The following ADTRP variants were observed in gnomAD, a reference collection of about 807,000 sequenced individuals.
ADTRP encodes the protein androgen-dependent TFPI-regulating protein.
ADTRP carries 20 observed loss-of-function variants against 27.0 expected under a neutral mutation model. That is an observed-to-expected ratio of 0.74 (90% confidence interval 0.52 to 1.08). The LOEUF is 1.08. Ranked by LOEUF, ADTRP falls within the 50% of genes least tolerant of loss-of-function variation. The probability of loss-of-function intolerance (pLI) is 0.00; values close to 1 mark genes in which losing one functional copy is unlikely to be tolerated. For synonymous variants in ADTRP, 101 were observed against 105.2 expected (o/e 0.96, Z 0.25); for missense variants, 251 against 275.0 (o/e 0.91, Z 0.62).
At chr6:11,742,436 C>T (rs1176984490) in intron 3 of ADTRP, among the ~76,000 whole-genome samples, 1 of 152,180 alleles carries the variant, frequency 6.6e-6, no homozygotes, top group Middle Eastern at 3.2e-3. Flanking sequence ...CTCAGAAGAA[C>T]ACTGAAACAC....
chr6:11,719,132 GCA>G (rs879659269), intron 5 of ADTRP, among the ~76,000 whole-genome samples: 30 of 152,156 alleles, frequency 2.0e-4, no homozygotes, highest in Admixed American at 2.0e-3. Context: ...GCACCACACT[GCA>G]CAAGGATGCC....
chr6:11,735,425 G>A, intron 4 of ADTRP, 143 bp downstream of exon 4: 2 of 641,608 alleles, frequency 3.1e-6, no homozygotes, highest in Admixed American at 3.0e-5. Flanking sequence ...CAATAAGAAT[G>A]CTTCTTACCT....
At chr6:11,770,173 C>T in intron 1 of ADTRP, 1 of 1,250,802 alleles carries the variant, frequency 8.0e-7, no homozygotes, top group Non-Finnish European at 1.1e-6. Flanking sequence ...AGACAATTAT[C>T]TCCAGGTGGG....
At chr6:11,765,760 C>T (rs888214223) in intron 3 of ADTRP, among the ~76,000 whole-genome samples, 28 of 152,110 alleles carry the variant, frequency 1.8e-4, no homozygotes, top group African/African-American at 6.0e-4. Context: ...GTTTACTATT[C>T]GGCCTCTCCA....
chr6:11,723,778 G>T (rs1212872810), intron 4 of ADTRP, among the ~76,000 whole-genome samples: 1 of 152,138 alleles, frequency 6.6e-6, no homozygotes, highest in Admixed American at 6.5e-5. Context: ...AGAACATAGG[G>T]CCAGGCACTG....
intron 4 of ADTRP, among the ~76,000 whole-genome samples, chr6:11,723,816 TG>T (rs1302872004): frequency 1.3e-5 from 2 of 152,004 alleles, no homozygotes; most frequent in African/African-American, 4.8e-5. Context: ...CCCAGCACTT[TG>T]GGAGGCTGAG....
At chr6:11,740,704 C>T (rs1762688237) in intron 3 of ADTRP, among the ~76,000 whole-genome samples, 1 of 152,180 alleles carries the variant, frequency 6.6e-6, no homozygotes, top group African/African-American at 2.4e-5. Context: ...ACTTCCTGTG[C>T]TACAATTTCT....
rs55815652 is a variant in ADTRP, at chr6:11,715,648, CTTT to C, written c.659-1139_659-1137del. 4.0e-4 allele frequency among the ~76,000 whole-genome samples: 48 copies of C among 121,132 alleles called. 1 individual carries two copies. The highest frequency in any genetic ancestry group is 5.1e-4 in the Admixed American group (6 of 11,838). 79.5% of individuals were successfully genotyped at this position (121,132 alleles called of 152,430 possible). On this transcript the variant is annotated intron_variant, in intron 5 of 5. Transcript: ENST00000414691. The stretch of plus-strand genomic sequence containing the variant: ...CTACTTCTTTCTCTTCTGTTTTTCC[CTTT>C]TTTTTTTTTTTTTTTTTTTGAGACA...
At chr6:11,717,300 A>G in intron 5 of ADTRP, 4 of 1,303,918 alleles carry the variant, frequency 3.1e-6, no homozygotes, top group Non-Finnish European at 4.0e-6. Context: ...TATAGCCCTG[A>G]TATTTCACCT....
intron 3 of ADTRP, among the ~76,000 whole-genome samples, chr6:11,746,380 CCT>C (rs1040806081): frequency 6.6e-6 from 1 of 152,138 alleles, no homozygotes; most frequent in Non-Finnish European, 1.5e-5. Flanking sequence ...GGTTTCTAAA[CCT>C]CTGCACTGTT....
intron 1 of ADTRP, chr6:11,769,990 A>C: frequency 6.5e-7 from 1 of 1,547,638 alleles, no homozygotes; most frequent in Non-Finnish European, 8.7e-7. Flanking sequence ...CTATCATTAG[A>C]CTCCCCCGCC....
chr6:11,761,579 C>T (rs1763390680), intron 3 of ADTRP, among the ~76,000 whole-genome samples: 1 of 152,142 alleles, frequency 6.6e-6, no homozygotes, highest in Non-Finnish European at 1.5e-5. Context: ...CTGTCACCCA[C>T]ATAAGGACAC....
chr6:11,765,955 A>T (rs971994554), intron 3 of ADTRP, among the ~76,000 whole-genome samples: 1 of 152,072 alleles, frequency 6.6e-6, no homozygotes, highest in African/African-American at 2.4e-5. Context: ...CCATCCACAC[A>T]TCGGAAGTTT....
At chr6:11,748,636 C>G (rs1016180516) in intron 3 of ADTRP, among the ~76,000 whole-genome samples, 1 of 152,230 alleles carries the variant, frequency 6.6e-6, no homozygotes, top group East Asian at 1.9e-4. Flanking sequence ...GGTACCAGAA[C>G]ACAAGTGGAG....
chr6:11,720,621 G>A (rs571816971), intron 5 of ADTRP, among the ~76,000 whole-genome samples: 12 of 151,988 alleles, frequency 7.9e-5, no homozygotes, highest in African/African-American at 1.9e-4. Flanking sequence ...ACAGGCGCCC[G>A]CCACCACACC....
intron 1 of ADTRP, among the ~76,000 whole-genome samples, chr6:11,771,539 TC>T (rs1409357145): frequency 7.2e-5 from 11 of 151,938 alleles, no homozygotes; most frequent in African/African-American, 2.7e-4. Context: ...ACCCGAACGG[TC>T]TGCTTATTCT....
At chr6:11,768,220 T>C in intron 2 of ADTRP, 29 bp downstream of exon 2, 2 of 1,612,620 alleles carry the variant, frequency 1.2e-6, no homozygotes, top group Non-Finnish European at 8.5e-7. Flanking sequence ...ACATTTCTGT[T>C]AGATTATGTA....
intron 5 of ADTRP, among the ~76,000 whole-genome samples, chr6:11,717,600 T>C (rs771152487): frequency 6.6e-6 from 1 of 152,212 alleles, no homozygotes; most frequent in Non-Finnish European, 1.5e-5. Context: ...TTGAAGAACA[T>C]TTGCCTAGTT....
At chr6:11,768,969 A>G (rs1481537644) in intron 1 of ADTRP, among the ~76,000 whole-genome samples, 1 of 152,144 alleles carries the variant, frequency 6.6e-6, no homozygotes. Context: ...CACCGAGACA[A>G]TCTGGCCGTG....
Sources: gnomAD v4.1 joint callset for allele counts (sites outside exome capture counted in the v4.1 genomes callset) on GRCh38, gnomAD v4.1.1 for gene constraint, MANE v1.5 for transcripts, NCBI Gene and HGNC (gene_info 2026-07-23, HGNC 2026-07-21) for gene names.